The following TENM3 variants were observed in gnomAD, a reference collection of about 807,000 sequenced individuals.
The protein encoded by TENM3 is teneurin transmembrane protein 3.
TENM3 carries 63 observed loss-of-function variants against 255.1 expected under a neutral mutation model. The ratio of observed to expected loss-of-function variants is 0.25; its 90% CI spans 0.20 to 0.30. The LOEUF is 0.30. Ranked by LOEUF, TENM3 falls within the 10% of genes least tolerant of loss-of-function variation. The probability of loss-of-function intolerance (pLI) is 1.00; values close to 1 mark genes in which losing one functional copy is unlikely to be tolerated. For missense variants in TENM3, 2,929 were observed against 3,461.1 expected, an observed-to-expected ratio of 0.85 and a Z score of 3.86; for synonymous variants, 1,306 against 1,322.3, an observed-to-expected ratio of 0.99 and a Z score of 0.27.
chr4:181,710,766 C>A, the TENM3 span, among the ~76,000 whole-genome samples: 2 of 150,870 alleles, frequency 1.3e-5, no homozygotes, highest in Non-Finnish European at 2.9e-5. Flanking sequence ...CCAGGCAGGT[C>A]TTGAACTCCT....
the TENM3 span, among the ~76,000 whole-genome samples, chr4:182,032,226 T>C: frequency 6.6e-6 from 1 of 152,146 alleles, no homozygotes; most frequent in Non-Finnish European, 1.5e-5. Flanking sequence ...GGTATGTTAC[T>C]TCAATACCTA....
the TENM3 span, among the ~76,000 whole-genome samples, chr4:181,950,380 A>G: frequency 6.6e-6 from 1 of 152,056 alleles, no homozygotes; most frequent in Non-Finnish European, 1.5e-5. Flanking sequence ...TGCTCACACA[A>G]AGCCTGTTTG....
chr4:182,593,120 C>G (rs893339034), intron 3 of TENM3, among the ~76,000 whole-genome samples: 1 of 152,116 alleles, frequency 6.6e-6, no homozygotes, highest in Non-Finnish European at 1.5e-5. Context: ...ATGTGGCAAC[C>G]TAGATTACCT....
chr4:182,400,093 T>G (rs1387218773), intron 3 of TENM3, among the ~76,000 whole-genome samples: 1 of 152,224 alleles, frequency 6.6e-6, no homozygotes, highest in Non-Finnish European at 1.5e-5. Context: ...TTCAGAGACC[T>G]TATGTAATGT....
At chr4:182,188,841 T>C (rs58959993) in intron 1 of TENM3, among the ~76,000 whole-genome samples, 2,348 of 152,270 alleles carry the variant, frequency 0.015, 52 homozygotes, top group African/African-American at 0.053. Flanking sequence ...GCAGTGAACA[T>C]GTACTGACTG....
chr4:182,311,005 T>C (rs933112281), intron 1 of TENM3, among the ~76,000 whole-genome samples: 6 of 152,178 alleles, frequency 3.9e-5, no homozygotes, highest in Non-Finnish European at 7.4e-5. Flanking sequence ...CCACTGTGCC[T>C]GGCCCACAAA....
intron 1 of TENM3, among the ~76,000 whole-genome samples, chr4:182,314,858 C>A (rs1263447628): frequency 6.6e-6 from 1 of 152,124 alleles, no homozygotes; most frequent in African/African-American, 2.4e-5. Flanking sequence ...TCCCCTTTTA[C>A]TACCTTCTTT....
At chr4:181,636,518 G>T in the TENM3 span, among the ~76,000 whole-genome samples, 8 of 152,268 alleles carry the variant, frequency 5.3e-5, no homozygotes, top group South Asian at 1.7e-3. Flanking sequence ...CATTCTAGCT[G>T]ATCTTTGACA....
At chr4:182,755,841 CAA>C (rs1007212698) in intron 22 of TENM3, among the ~76,000 whole-genome samples, 1 of 141,014 alleles carries the variant, frequency 7.1e-6, no homozygotes. Flanking sequence ...GACTCCGCCT[CAA>C]AAAAAAAAAG....
At chr4:181,926,003 G>A in the TENM3 span, among the ~76,000 whole-genome samples, 4 of 152,076 alleles carry the variant, frequency 2.6e-5, no homozygotes, top group Non-Finnish European at 2.9e-5. Flanking sequence ...GCATGATGTC[G>A]CAGTAGGCCA....
intron 3 of TENM3, among the ~76,000 whole-genome samples, chr4:182,500,527 G>A (rs1698654875): frequency 1.3e-5 from 2 of 152,154 alleles, no homozygotes; most frequent in African/African-American, 4.8e-5. Flanking sequence ...TTGTTTACTG[G>A]TGAATGCTTT....
chr4:182,025,068 G>T, the TENM3 span, among the ~76,000 whole-genome samples: 2 of 129,760 alleles, frequency 1.5e-5, no homozygotes, highest in Non-Finnish European at 3.1e-5. Context: ...TTGCTTTGTT[G>T]CCCAGGCTGG....
At chr4:182,761,477 C>G (rs1763188958) in intron 22 of TENM3, among the ~76,000 whole-genome samples, 1 of 152,048 alleles carries the variant, frequency 6.6e-6, no homozygotes, top group Non-Finnish European at 1.5e-5. Context: ...GAGAGGATAT[C>G]CTTTCCTTTG....
chr4:182,629,106 T>C lies in TENM3; in HGVS notation c.988+217T>C, dbSNP rs188729741. ...AGGTTTTGTGGGTAGTGAGGTAATA[T>C]TCTTGGACAAAAGCTATAGGGTACA... is the stretch of plus-strand genomic sequence containing the variant. On this transcript the variant is annotated intron_variant, in intron 5 of 27. Transcript: ENST00000511685. Among the ~76,000 whole-genome samples the C allele has an allele frequency of 4.1e-4, 62 of 152,286 alleles. 1 individual carries two copies. The highest frequency in any genetic ancestry group is 3.7e-3 in the Admixed American group (56 of 15,304).
chr4:182,730,615 A>T (rs1472789040), intron 15 of TENM3, among the ~76,000 whole-genome samples: 6 of 152,200 alleles, frequency 3.9e-5, no homozygotes, highest in Non-Finnish European at 5.9e-5. Context: ...AATGTCTGTA[A>T]CTTGAGCTCA....
At chr4:182,664,395 C>T (rs188174556) in intron 6 of TENM3, among the ~76,000 whole-genome samples, 4 of 152,272 alleles carry the variant, frequency 2.6e-5, no homozygotes, top group Non-Finnish European at 4.4e-5. Flanking sequence ...CTGACTGCTC[C>T]GTGACCAGCA....
At chr4:182,520,711 G>T (rs1379871198) in intron 3 of TENM3, among the ~76,000 whole-genome samples, 4 of 152,082 alleles carry the variant, frequency 2.6e-5, no homozygotes, top group Non-Finnish European at 5.9e-5. Context: ...TTATAAATTA[G>T]TTCTGGACAA....
chr4:182,545,364 C>T (rs1741335863), intron 3 of TENM3, among the ~76,000 whole-genome samples: 1 of 152,108 alleles, frequency 6.6e-6, no homozygotes, highest in Admixed American at 6.5e-5. Context: ...AATATTTCCA[C>T]TTGCCTTCAG....
At chr4:182,716,365 A>T (rs1759171139) in intron 13 of TENM3, among the ~76,000 whole-genome samples, 1 of 152,208 alleles carries the variant, frequency 6.6e-6, no homozygotes, top group Non-Finnish European at 1.5e-5. Flanking sequence ...AAAATTTATC[A>T]ACTGTGAATT....
Sources: gnomAD v4.1 joint callset for allele counts (sites outside exome capture counted in the v4.1 genomes callset) on GRCh38, gnomAD v4.1.1 for gene constraint, MANE v1.5 for transcripts, NCBI Gene and HGNC (gene_info 2026-07-23, HGNC 2026-07-21) for gene names.